The following OPCML variants were observed in gnomAD, a reference collection of about 807,000 sequenced individuals.
The protein encoded by OPCML is opioid binding protein/cell adhesion molecule like.
In OPCML, 13 loss-of-function variants were observed where a neutral mutation model predicts 37.8. The ratio of observed to expected loss-of-function variants is 0.34; its 90% CI spans 0.22 to 0.55. The LOEUF is 0.55. OPCML is among the 20% of genes least tolerant of loss of function. OPCML has a pLI of 0.91. For missense variants in OPCML, 341 were observed against 435.6 expected, an observed-to-expected ratio of 0.78 and a Z score of 1.93; for synonymous variants, 176 against 168.8, an observed-to-expected ratio of 1.04 and a Z score of -0.33.
At chr11:132,978,225 G>GA (rs1490785202) in intron 1 of OPCML, among the ~76,000 whole-genome samples, 6 of 152,158 alleles carry the variant, frequency 3.9e-5, no homozygotes, top group Non-Finnish European at 8.8e-5. Flanking sequence ...TAAAAGGTAG[G>GA]AAAATCGTTT....
In OPCML at chr11:133,455,296, A is replaced by T. The variant is rs191181141; in HGVS notation, c.61+76968T>A. ...AAAACACCAAAAATAGTTAGTGTTA[A>T]TTCTTTTATTCTTTATTTAAACCTA... On this transcript the variant is annotated intron_variant, in intron 1 of 7. Transcript: ENST00000524381. 3.5e-3 allele frequency among the ~76,000 whole-genome samples: 533 copies of T among 152,326 alleles called. 1 individual carries two copies. The highest frequency in any genetic ancestry group is 5.8e-3 in the Non-Finnish European group (395 of 68,032).
intron 2 of OPCML, among the ~76,000 whole-genome samples, chr11:132,891,938 G>A (rs548432745): frequency 6.7e-6 from 1 of 149,234 alleles, no homozygotes; most frequent in East Asian, 2.0e-4. Context: ...CTGTCTGAGG[G>A]TTCCCCTATA....
At chr11:133,223,296 T>C (rs965016277) in intron 1 of OPCML, among the ~76,000 whole-genome samples, 5 of 152,204 alleles carry the variant, frequency 3.3e-5, no homozygotes, top group African/African-American at 1.2e-4. Context: ...TTCTGGGTAC[T>C]AATGAGGAGC....
chr11:133,449,742 ATGAT>A (rs1946542730), intron 1 of OPCML, among the ~76,000 whole-genome samples: 2 of 151,670 alleles, frequency 1.3e-5, no homozygotes, highest in African/African-American at 4.9e-5. Context: ...TAAATCCTAG[ATGAT>A]TTTATATCAA....
chr11:132,588,466 A>T (rs948555169), intron 3 of OPCML, among the ~76,000 whole-genome samples: 1 of 152,188 alleles, frequency 6.6e-6, no homozygotes, highest in Admixed American at 6.5e-5. Flanking sequence ...TGGATTCCAC[A>T]GTCCATCCCT....
At chr11:132,839,519 G>C (rs1002043795) in intron 2 of OPCML, among the ~76,000 whole-genome samples, 1 of 152,204 alleles carries the variant, frequency 6.6e-6, no homozygotes, top group Non-Finnish European at 1.5e-5. Flanking sequence ...GTTTGTGCAG[G>C]AGGCTAATTA....
intron 2 of OPCML, among the ~76,000 whole-genome samples, chr11:132,897,328 C>T (rs1389131316): frequency 1.3e-5 from 2 of 152,234 alleles, no homozygotes; most frequent in Middle Eastern, 3.4e-3. Flanking sequence ...CCATGGGCCA[C>T]CAATTACCAG....
chr11:132,854,225 G>A (rs1389765394), intron 2 of OPCML, among the ~76,000 whole-genome samples: 1 of 152,194 alleles, frequency 6.6e-6, no homozygotes, highest in Non-Finnish European at 1.5e-5. Flanking sequence ...AAGATGCACA[G>A]GGAGAGGTTC....
chr11:132,419,637 G>T lies in OPCML; in HGVS notation c.*556C>A, dbSNP rs1213970306. 6.5e-6 allele frequency: 1 copy of T among 152,714 alleles called. No homozygotes were observed. Among genetic ancestry groups the T allele is most frequent in the East Asian group, 1.9e-4 (1 of 5,194 alleles). 9.5% of individuals were successfully genotyped at this position (152,714 alleles called of 1,614,324 possible). A position where few individuals can be genotyped will look rare whatever the true frequency, so the allele number is the denominator to read the frequency against. The stretch of plus-strand genomic sequence containing the variant: ...ATCTATATTGAAATCTATAGATATG[G>T]ATATAGTAGGATAGTGTCCCAGAAA... On this transcript the variant is annotated 3_prime_UTR_variant, in exon 8 of 8. Coordinates refer to ENST00000524381, the MANE Select transcript of OPCML (RefSeq NM_001012393.5).
At chr11:133,239,952 A>C (rs1343477912) in intron 1 of OPCML, among the ~76,000 whole-genome samples, 4 of 152,206 alleles carry the variant, frequency 2.6e-5, no homozygotes, top group Non-Finnish European at 5.9e-5. Context: ...GAAATTACTT[A>C]ATTATGGAGA....
At chr11:133,011,703 T>C (rs770220733) in intron 1 of OPCML, among the ~76,000 whole-genome samples, 24 of 151,852 alleles carry the variant, frequency 1.6e-4, no homozygotes, top group Non-Finnish European at 2.8e-4. Flanking sequence ...CATTATGGGG[T>C]AAAGCGGGAA....
chr11:132,591,016 T>C (rs989945705), intron 3 of OPCML, among the ~76,000 whole-genome samples: 20 of 152,208 alleles, frequency 1.3e-4, no homozygotes, highest in African/African-American at 3.6e-4. Flanking sequence ...TTAAAACCAA[T>C]GTCCCCTAGA....
At chr11:133,455,728 C>T (rs1315489090) in intron 1 of OPCML, among the ~76,000 whole-genome samples, 1 of 152,122 alleles carries the variant, frequency 6.6e-6, no homozygotes, top group Non-Finnish European at 1.5e-5. Context: ...CCTTGTTTCC[C>T]CACTGAAACA....
intron 2 of OPCML, among the ~76,000 whole-genome samples, chr11:132,938,553 T>C (rs956181568): frequency 1.3e-5 from 2 of 152,242 alleles, no homozygotes; most frequent in African/African-American, 4.8e-5. Context: ...TGTTGCTTTA[T>C]GGCTCACAGA....
intron 2 of OPCML, among the ~76,000 whole-genome samples, chr11:132,858,331 GGT>G (rs1375952690): frequency 6.6e-6 from 1 of 152,200 alleles, no homozygotes; most frequent in Admixed American, 6.5e-5. Context: ...GGCCTGCCAG[GGT>G]GCCTCCTTCC....
intron 2 of OPCML, among the ~76,000 whole-genome samples, chr11:132,811,932 A>G (rs188414259): frequency 6.6e-6 from 1 of 152,306 alleles, no homozygotes; most frequent in Non-Finnish European, 1.5e-5. Flanking sequence ...TGTGTTGCTT[A>G]TCCTCAAATT....
chr11:132,725,382 C>A (rs536009544), intron 2 of OPCML, among the ~76,000 whole-genome samples: 1 of 152,298 alleles, frequency 6.6e-6, no homozygotes, highest in South Asian at 2.1e-4. Context: ...CCTTAGGATG[C>A]ACACAGCAGG....
At chr11:132,881,980 C>T (rs1943241313) in intron 2 of OPCML, among the ~76,000 whole-genome samples, 1 of 152,204 alleles carries the variant, frequency 6.6e-6, no homozygotes, top group South Asian at 2.1e-4. Context: ...CATTTCACTG[C>T]CATTGCATTC....
intron 1 of OPCML, chr11:133,420,419 T>TA: frequency 1.0e-6 from 1 of 985,466 alleles, no homozygotes; most frequent in Non-Finnish European, 1.2e-6. Flanking sequence ...CAATGCAGTA[T>TA]ATCAGTTGAA....
Sources: gnomAD v4.1 joint callset for allele counts (sites outside exome capture counted in the v4.1 genomes callset) on GRCh38, gnomAD v4.1.1 for gene constraint, MANE v1.5 for transcripts, NCBI Gene and HGNC (gene_info 2026-07-23, HGNC 2026-07-21) for gene names.